ANO2: variants seen among roughly 807,000 people sequenced by gnomAD.
ANO2 encodes the protein anoctamin 2.
ANO2 carries 101 observed loss-of-function variants against 124.2 expected under a neutral mutation model. The observed-to-expected ratio is 0.81, with a 90% CI of 0.69 to 0.96. The LOEUF (loss-of-function observed/expected upper bound fraction) is 0.96. Ranked by LOEUF, ANO2 falls within the 40% of genes least tolerant of loss-of-function variation. The pLI, the probability that ANO2 is intolerant of heterozygous loss-of-function variation, is 0.00. For missense variants in ANO2, 1,293 were observed against 1,274.5 expected (o/e 1.01, Z -0.22); for synonymous variants, 486 against 482.5 (o/e 1.01, Z -0.09).
In ANO2 at chr12:5,635,628, C is replaced by CACAA. The variant is rs3223418; in HGVS notation, c.1621-282_1621-281insTTGT. On this transcript the variant is annotated intron_variant, in intron 15 of 24. Transcript: ENST00000682330. This position sits in a 1 kb window ranked among gnomAD's most constrained non-coding sequence, Gnocchi z 5.2. Reference sequence around the variant, plus strand: ...ACACACACACACACACACACACACACAATAAGGATGAACATGCTGGACCCT... The same window carrying CACAA: ...ACACACACACACACACACACACACACACAAAATAAGGATGAACATGCTGGACCCT... Among the ~76,000 whole-genome samples the CACAA allele has an allele frequency of 2.6e-5, 4 of 151,396 alleles. No homozygotes were observed. Among genetic ancestry groups the CACAA allele is most frequent in the Non-Finnish European group, 4.4e-5 (3 of 67,866 alleles).
intron 15 of ANO2, among the ~76,000 whole-genome samples, chr12:5,641,762 T>G (rs1222251478): frequency 6.6e-6 from 1 of 152,242 alleles, no homozygotes; most frequent in Non-Finnish European, 1.5e-5. Context: ...CTTGCATTTA[T>G]ATCAAGATTT....
rs1046405245 is a variant in ANO2 at position 5,787,733 on chromosome 12, C to T, written c.1055+11774G>A. Among the ~76,000 whole-genome samples the T allele has an allele frequency of 7.9e-5, 12 of 152,216 alleles. No homozygotes were observed. The highest frequency in any genetic ancestry group is 3.9e-4 in the Admixed American group (6 of 15,298). On this transcript the variant is annotated intron_variant, in intron 10 of 24. Transcript: ENST00000682330. The surrounding 1 kb of genome is among the most constrained non-coding windows in gnomAD (Gnocchi z 4.2). ...CAGCAAATCATACTAGTTTAAATGT[C>T]GCTTCCTCAGGGAGATCTCCAATTA...
intron 2 of ANO2, among the ~76,000 whole-genome samples, 188 bp from the exon 3 acceptor site, chr12:5,921,554 G>A (rs1941702779): frequency 6.6e-6 from 1 of 152,088 alleles, no homozygotes; most frequent in African/African-American, 2.4e-5. Flanking sequence ...AGCTTGCGAG[G>A]CCCTCCACCC....
intron 1 of ANO2, among the ~76,000 whole-genome samples, chr12:5,938,456 G>A (rs568529811): frequency 4.3e-4 from 65 of 152,136 alleles, no homozygotes; most frequent in Non-Finnish European, 4.7e-4. Context: ...TTCCATTATG[G>A]CCTCAGCCTC....
intron 22 of ANO2, among the ~76,000 whole-genome samples, chr12:5,577,733 C>T (rs1208328945): frequency 6.6e-6 from 1 of 152,206 alleles, no homozygotes; most frequent in Non-Finnish European, 1.5e-5. Context: ...TGGATAATTA[C>T]CTTTCTTTCT....
intron 10 of ANO2, among the ~76,000 whole-genome samples, chr12:5,792,719 ACAGC>A (rs1952733092): frequency 6.6e-6 from 1 of 152,180 alleles, no homozygotes; most frequent in Admixed American, 6.5e-5. Flanking sequence ...TTGTTTTCCT[ACAGC>A]CTCACAGCTA....
intron 7 of ANO2, among the ~76,000 whole-genome samples, chr12:5,812,492 GGA>G (rs796792640): frequency 0.041 from 3,983 of 97,560 alleles, 265 homozygotes; most frequent in African/African-American, 0.12. Flanking sequence ...AAGGAAGGAA[GGA>G]AGAAAGGGAG....
At chr12:5,701,530 A>C (rs1354041790) in intron 14 of ANO2, among the ~76,000 whole-genome samples, 3 of 152,082 alleles carry the variant, frequency 2.0e-5, no homozygotes, top group Non-Finnish European at 4.4e-5. Flanking sequence ...CCTCTGATAC[A>C]CCACTTCTAG....
At chr12:5,790,851 A>T (rs1952675817) in intron 10 of ANO2, among the ~76,000 whole-genome samples, 1 of 152,012 alleles carries the variant, frequency 6.6e-6, no homozygotes, top group South Asian at 2.1e-4. Context: ...GCAGGGACTG[A>T]CTCTTGCGCT....
intron 4 of ANO2, among the ~76,000 whole-genome samples, chr12:5,840,174 C>T (rs1954468845): frequency 6.6e-6 from 1 of 152,140 alleles, no homozygotes; most frequent in African/African-American, 2.4e-5. Context: ...CCATTATGCC[C>T]TCCCTGGGTA....
intron 3 of ANO2, among the ~76,000 whole-genome samples, chr12:5,896,767 T>C (rs979451277): frequency 2.0e-5 from 3 of 152,318 alleles, no homozygotes; most frequent in African/African-American, 7.2e-5. Context: ...AATATTTTAT[T>C]TGAAGCCCCA....
intron 24 of ANO2, among the ~76,000 whole-genome samples, chr12:5,563,952 T>C (rs1801740685): frequency 6.6e-6 from 1 of 152,152 alleles, no homozygotes; most frequent in South Asian, 2.1e-4. Flanking sequence ...CCTCCCTGCT[T>C]TAGAAAATGG....
chr12:5,931,188 A>C (rs542144634), intron 1 of ANO2, among the ~76,000 whole-genome samples: 128 of 150,696 alleles, frequency 8.5e-4, no homozygotes, highest in African/African-American at 2.5e-3. Context: ...AGGGTCTTTC[A>C]TGATCGAGTC....
At chr12:5,780,245 T>C (rs1441442242) in intron 10 of ANO2, among the ~76,000 whole-genome samples, 1 of 152,060 alleles carries the variant, frequency 6.6e-6, no homozygotes, top group Admixed American at 6.5e-5. Context: ...ATCAGAAGAG[T>C]AAATGTGGCA....
At chr12:5,895,388 G>A (rs1365194002) in intron 3 of ANO2, among the ~76,000 whole-genome samples, 1 of 152,024 alleles carries the variant, frequency 6.6e-6, no homozygotes, top group African/African-American at 2.4e-5. Context: ...AGGAGATTTG[G>A]GGCTGAAACG....
chr12:5,937,859 A>C (rs1203209871), intron 1 of ANO2, among the ~76,000 whole-genome samples: 1 of 152,046 alleles, frequency 6.6e-6, no homozygotes, highest in Admixed American at 6.6e-5. Context: ...ATCCAGAGTA[A>C]ATTTTTCTCT....
chr12:5,859,971 G>A (rs1284206036), intron 3 of ANO2, among the ~76,000 whole-genome samples: 2 of 152,064 alleles, frequency 1.3e-5, no homozygotes, highest in Non-Finnish European at 2.9e-5. Flanking sequence ...GTCTGCTGAC[G>A]TCTCACTCCC....
intron 15 of ANO2, among the ~76,000 whole-genome samples, chr12:5,637,339 A>ACG (rs1491586140): frequency 6.7e-6 from 1 of 148,996 alleles, no homozygotes; most frequent in Non-Finnish European, 1.5e-5. Flanking sequence ...GAGTGAGTGA[A>ACG]TGTGTGTGTG....
At chr12:5,648,170 A>G (rs2136956591) in intron 14 of ANO2, among the ~76,000 whole-genome samples, 1 of 152,294 alleles carries the variant, frequency 6.6e-6, no homozygotes, top group African/African-American at 2.4e-5. Flanking sequence ...TGCCTACTAC[A>G]CAGGACAGTT....
Sources: gnomAD v4.1 joint callset for allele counts (sites outside exome capture counted in the v4.1 genomes callset) on GRCh38, gnomAD v4.1.1 for gene constraint, Gnocchi (gnomAD v3.1) non-coding constraint, MANE v1.5 for transcripts, NCBI Gene and HGNC (gene_info 2026-07-23, HGNC 2026-07-21) for gene names.